ADGRL2: variants seen among roughly 807,000 people sequenced by gnomAD.
ADGRL2 encodes calcium-independent alpha-latrotoxin receptor 2.
ADGRL2 carries 44 observed loss-of-function variants against 157.4 expected under a neutral mutation model. That is an observed-to-expected ratio of 0.28 (90% CI 0.22 to 0.36). ADGRL2 has a LOEUF of 0.36. Ranked by LOEUF, ADGRL2 falls within the 10% of genes least tolerant of loss-of-function variation. The probability of loss-of-function intolerance (pLI) is 1.00; values close to 1 mark genes in which losing one functional copy is unlikely to be tolerated. For missense variants in ADGRL2, 1,510 were observed against 1,768.9 expected (o/e 0.85, Z 2.63); for synonymous variants, 585 against 624.7 (o/e 0.94, Z 0.95).
At chr1:81,341,057 G>A (rs1472837377) in intron 1 of ADGRL2, among the ~76,000 whole-genome samples, 9 of 151,870 alleles carry the variant, frequency 5.9e-5, no homozygotes, top group African/African-American at 1.9e-4. Flanking sequence ...GGTAATCGAC[G>A]GTTACAAAGA....
chr1:81,578,369 A>T (rs1314213198), intron 2 of ADGRL2, among the ~76,000 whole-genome samples: 1 of 152,182 alleles, frequency 6.6e-6, no homozygotes, highest in African/African-American at 2.4e-5. Flanking sequence ...AATCTAGCTC[A>T]TCGCTGTCAT....
chr1:81,557,475 A>AAGAAAGAAAGAAAGAAAG (rs1165921140), intron 2 of ADGRL2: 1 of 9,736 alleles, frequency 1.0e-4, no homozygotes, highest in Admixed American at 9.5e-4. Flanking sequence ...AAGAAGAAAG[A>AAGAAAGAAAGAAAGAAAG]AAGAAAGAAG....
At chr1:81,708,027 C>T (rs139685380) in intron 1 of ADGRL2, among the ~76,000 whole-genome samples, 20 of 152,256 alleles carry the variant, frequency 1.3e-4, no homozygotes, top group East Asian at 3.9e-4. Flanking sequence ...TAAATGCCTA[C>T]GCTTGTTCTC....
At chr1:81,548,554 G>T (rs913324419) in intron 2 of ADGRL2, among the ~76,000 whole-genome samples, 4 of 151,930 alleles carry the variant, frequency 2.6e-5, no homozygotes, top group Non-Finnish European at 5.9e-5. Context: ...ATATAGATTT[G>T]TGGTTGACTT....
At chr1:81,892,256 C>T (rs284213) in intron 2 of ADGRL2, among the ~76,000 whole-genome samples, 118,302 of 151,960 alleles carry the variant, frequency 0.78, 46,299 homozygotes, top group East Asian at 0.94. Flanking sequence ...AATTACTTTT[C>T]ACTGTAAAAT....
intron 3 of ADGRL2, among the ~76,000 whole-genome samples, chr1:81,687,575 T>C (rs11809827): frequency 6.6e-6 from 1 of 152,186 alleles, no homozygotes; most frequent in African/African-American, 2.4e-5. Flanking sequence ...AGATGGTTGG[T>C]GATTAATTAT....
chr1:81,791,382 T>C (rs74884307), intron 2 of ADGRL2, among the ~76,000 whole-genome samples: 4,221 of 152,142 alleles, frequency 0.028, 92 homozygotes, highest in East Asian at 0.055. Context: ...GGTCTGTGGA[T>C]GGTTGGATAA....
chr1:81,910,109 A>T (rs1024796188), intron 3 of ADGRL2, among the ~76,000 whole-genome samples: 1 of 151,858 alleles, frequency 6.6e-6, no homozygotes, highest in Non-Finnish European at 1.5e-5. Context: ...GCGTGGTGGC[A>T]GGCACCTGTA....
chr1:81,417,292 T>C (rs571858328), intron 1 of ADGRL2, among the ~76,000 whole-genome samples: 2 of 152,312 alleles, frequency 1.3e-5, no homozygotes, highest in East Asian at 3.9e-4. Context: ...ATTGCTATTA[T>C]GTGACTCCTA....
At chr1:81,567,844 A>G (rs934017855) in intron 2 of ADGRL2, among the ~76,000 whole-genome samples, 2 of 152,126 alleles carry the variant, frequency 1.3e-5, no homozygotes, top group African/African-American at 4.8e-5. Context: ...TGGGAAAAAG[A>G]TATTTTTCCC....
intron 9 of ADGRL2, among the ~76,000 whole-genome samples, chr1:81,952,494 T>C (rs1342192366): frequency 6.6e-6 from 1 of 152,192 alleles, no homozygotes; most frequent in East Asian, 1.9e-4. Context: ...GGAACTCTTA[T>C]AGTTGCAGCA....
chr1:81,427,422 A>G (rs772643341), intron 1 of ADGRL2: 2 of 749,288 alleles, frequency 2.7e-6, no homozygotes, highest in Admixed American at 1.7e-5. Context: ...GATGGTTGCA[A>G]TGGAGGAAAT....
At chr1:81,479,521 A>G (rs1009522937) in intron 2 of ADGRL2, among the ~76,000 whole-genome samples, 1 of 152,110 alleles carries the variant, frequency 6.6e-6, no homozygotes, top group African/African-American at 2.4e-5. Flanking sequence ...ACGCCTTTAG[A>G]TACTCTGTAG....
At chr1:81,794,410 C>T (rs375691234) in intron 2 of ADGRL2, among the ~76,000 whole-genome samples, 5 of 152,094 alleles carry the variant, frequency 3.3e-5, no homozygotes, top group African/African-American at 1.2e-4. Flanking sequence ...CAGTGAAACA[C>T]ATTTCCATCA....
intron 2 of ADGRL2, among the ~76,000 whole-genome samples, chr1:81,882,285 T>C (rs1036119117): frequency 2.0e-5 from 3 of 152,216 alleles, no homozygotes; most frequent in African/African-American, 4.8e-5. Flanking sequence ...GGCAGACCTA[T>C]TGAAGAATTT....
intron 1 of ADGRL2, among the ~76,000 whole-genome samples, chr1:81,349,392 G>A (rs1341282146): frequency 6.6e-6 from 1 of 152,168 alleles, no homozygotes; most frequent in Non-Finnish European, 1.5e-5. Flanking sequence ...TTTCTTGTTT[G>A]TTTTCATTTC....
chr1:81,615,690 C>T (rs181695278), intron 3 of ADGRL2, among the ~76,000 whole-genome samples: 200 of 152,236 alleles, frequency 1.3e-3, no homozygotes, highest in Non-Finnish European at 2.4e-3. Context: ...TCCATTCATC[C>T]CTTCAAGGAG....
intron 1 of ADGRL2, among the ~76,000 whole-genome samples, chr1:81,341,970 G>T (rs1474459282): frequency 6.6e-6 from 1 of 152,100 alleles, no homozygotes; most frequent in Non-Finnish European, 1.5e-5. Context: ...GATGGGTAGT[G>T]GTTACTATTT....
chr1:81,954,824 C>T (rs1323735033), intron 10 of ADGRL2, among the ~76,000 whole-genome samples: 2 of 152,176 alleles, frequency 1.3e-5, no homozygotes, highest in Non-Finnish European at 2.9e-5. Context: ...CAACTTTCCC[C>T]CCTGTTCATA....
Sources: allele counts gnomAD v4.1 joint callset (sites outside exome capture counted in the v4.1 genomes callset), GRCh38; gene constraint gnomAD v4.1.1; transcripts MANE v1.5; gene names NCBI Gene and HGNC (gene_info 2026-07-23, HGNC 2026-07-21).